Variants in PSG5 observed in about 807,000 individuals in gnomAD.
PSG5 encodes the protein pregnancy-specific beta-1-glycoprotein 5.
In PSG5, 53 loss-of-function variants were observed where a neutral mutation model predicts 37.7. The observed-to-expected ratio is 1.41, with a 90% CI of 1.13 to 1.77. The LOEUF (loss-of-function observed/expected upper bound fraction) is 1.77, where lower values mean the gene tolerates loss of function less well. PSG5 is among the 40% of genes most tolerant of loss of function. PSG5 has a pLI of 0.00. For missense variants in PSG5, 547 were observed against 405.2 expected (o/e 1.35, Z -3.00); for synonymous variants, 221 against 155.4 (o/e 1.42, Z -3.14).
intron 2 of PSG5, among the ~76,000 whole-genome samples, chr19:43,176,464 C>G (rs552518437): frequency 6.6e-6 from 1 of 151,682 alleles, no homozygotes; most frequent in African/African-American, 2.4e-5. Flanking sequence ...AGTTGACTGG[C>G]TGGCTCACCC....
At chr19:43,177,060 A>G (rs62115019) in intron 2 of PSG5, among the ~76,000 whole-genome samples, 10,517 of 151,658 alleles carry the variant, frequency 0.069, 573 homozygotes, top group South Asian at 0.16. Flanking sequence ...GACAAATTTG[A>G]AGAGAAGTTT....
In PSG5 at chr19:43,185,354, G is replaced by A. The variant is rs567837070; in HGVS notation, c.65-207C>T. On this transcript the variant is annotated intron_variant, in intron 1 of 5. Transcript: ENST00000342951. ...GTCCTACTAGGTCAAGGTCAGCAGC[G>A]TGACCCCTATTCCTTCAACACTTCT... Among the ~76,000 whole-genome samples, 168 of 150,926 alleles carry A rather than the reference G, an allele frequency of 1.1e-3. 1 individual carries two copies. The highest frequency in any genetic ancestry group is 1.6e-3 in the Non-Finnish European group (105 of 67,686).
intron 5 of PSG5, 59 bp from the exon 6 acceptor site, chr19:43,168,262 G>A (rs1968829047): frequency 2.6e-6 from 1 of 379,848 alleles, no homozygotes; most frequent in Non-Finnish European, 4.9e-6. Context: ...AATTTATTAT[G>A]GTAAAGACAC....
chr19:43,175,590 C>A, intron 3 of PSG5, 121 bp from the exon 4 acceptor site: 22 of 1,463,504 alleles, frequency 1.5e-5, no homozygotes, highest in Non-Finnish European at 2.0e-5. Context: ...CAGCCGAACC[C>A]CCACTATATT....
intron 4 of PSG5, among the ~76,000 whole-genome samples, chr19:43,171,952 G>T (rs1293914235): frequency 1.4e-5 from 2 of 146,986 alleles, no homozygotes; most frequent in African/African-American, 5.1e-5. Flanking sequence ...ATCCTGGACT[G>T]GTCTACATAG....
chr19:43,171,962 G>A (rs1968914625), intron 4 of PSG5, among the ~76,000 whole-genome samples: 1 of 139,954 alleles, frequency 7.1e-6, no homozygotes, highest in Non-Finnish European at 1.5e-5. Flanking sequence ...GGTCTACATA[G>A]TGAGAGCCCG....
At position 43,181,101 on chromosome 19, in the gene PSG5, C is replaced by A. The variant is rs1482631655; in HGVS notation, c.430+3681G>T. Among the ~76,000 whole-genome samples the A allele has an allele frequency of 2.0e-5, 3 of 151,626 alleles. No individual in the cohort carries two copies. The East Asian group carries it at 5.8e-4, about 29-fold the overall frequency. On this transcript the variant is annotated intron_variant, in intron 2 of 5. Transcript: ENST00000342951. ...GTGTGTCTCCCCACACGTAGAACTC[C>A]AACTTATGAAAATGGCATCATCATG... is the stretch of plus-strand genomic sequence containing the variant.
chr19:43,176,107 G>C lies in PSG5; in HGVS notation c.472C>G (p.Pro158Ala). 6.2e-7 allele frequency: 1 copy of C among 1,611,182 alleles called. No homozygotes were observed. ...KPYITINNSK[P>A]RENKDVLAFT... Reference sequence around the variant, plus strand: ...GCTAAGACATCCTTATTCTCCCTGGGTTTTGAGTTGTTGATGGTGATGTAG... The same window carrying C: ...GCTAAGACATCCTTATTCTCCCTGGCTTTTGAGTTGTTGATGGTGATGTAG... Residue 158 changes from proline (P) to alanine (A), a missense_variant, in exon 3 of 6, where the codon CCC becomes GCC. Pro to Ala is a conservative substitution (Grantham distance 27). Coordinates refer to ENST00000342951, the MANE Select transcript of PSG5 (RefSeq NM_002781.4).
At chr19:43,177,712 C>A (rs1599749845) in intron 2 of PSG5, among the ~76,000 whole-genome samples, 1 of 151,488 alleles carries the variant, frequency 6.6e-6, no homozygotes, top group Non-Finnish European at 1.5e-5. Context: ...TTAATAAGAG[C>A]CTGTCAGGTC....
At chr19:43,183,649 C>T (rs1053566543) in intron 2 of PSG5, among the ~76,000 whole-genome samples, 21 of 151,356 alleles carry the variant, frequency 1.4e-4, no homozygotes, top group Non-Finnish European at 2.1e-4. Flanking sequence ...TTCTGGAGTG[C>T]AGACTAATCA....
chr19:43,178,196 A>C (rs1319880240), intron 2 of PSG5, among the ~76,000 whole-genome samples: 1 of 151,664 alleles, frequency 6.6e-6, no homozygotes, highest in Non-Finnish European at 1.5e-5. Flanking sequence ...ACTGGAAAAC[A>C]TATTGCCAAT....
chr19:43,170,488 G>A, intron 4 of PSG5: 1 of 452,724 alleles, frequency 2.2e-6, no homozygotes, highest in Non-Finnish European at 4.3e-6. Flanking sequence ...TGTTGTGGCA[G>A]CCATGAATGA....
At chr19:43,169,633 A>G (rs1391833229) in intron 5 of PSG5, among the ~76,000 whole-genome samples, 1 of 151,650 alleles carries the variant, frequency 6.6e-6, no homozygotes, top group Non-Finnish European at 1.5e-5. Context: ...TGATTAAGTG[A>G]ATTAACTAGA....
chr19:43,185,287 G>T (rs1376693402), intron 1 of PSG5, 140 bp from the exon 2 acceptor site: 3 of 1,224,062 alleles, frequency 2.5e-6, no homozygotes, highest in African/African-American at 3.1e-5. Flanking sequence ...CACACAAAAG[G>T]TGCATGTTAG....
intron 2 of PSG5, chr19:43,183,598 A>T (rs1362638533): frequency 1.0e-5 from 4 of 383,230 alleles, no homozygotes; most frequent in African/African-American, 2.2e-5. Context: ...GCCTGGACAT[A>T]TTTTTTGCAC....
At chr19:43,179,299 C>G (rs1390317551) in intron 2 of PSG5, 3 of 1,228,208 alleles carry the variant, frequency 2.4e-6, no homozygotes, top group African/African-American at 3.1e-5. Context: ...TGTTACAAGA[C>G]AGATGCATGG....
intron 5 of PSG5, 47 bp downstream of exon 5, chr19:43,170,008 G>A: frequency 8.2e-7 from 1 of 1,215,990 alleles, no homozygotes; most frequent in Non-Finnish European, 1.2e-6. Flanking sequence ...TCCCAAGCAT[G>A]GCAGTCAGCC....
chr19:43,181,230 C>A (rs1388921721), intron 2 of PSG5, among the ~76,000 whole-genome samples: 1 of 151,646 alleles, frequency 6.6e-6, no homozygotes, highest in Non-Finnish European at 1.5e-5. Flanking sequence ...TTACGTGTAT[C>A]TGACAGCCTT....
intron 2 of PSG5, among the ~76,000 whole-genome samples, chr19:43,182,068 G>T (rs1969139894): frequency 6.6e-6 from 1 of 151,676 alleles, no homozygotes; most frequent in Admixed American, 6.6e-5. Flanking sequence ...TCTCTGGCTG[G>T]CTATCCTCAC....
Sources: gnomAD v4.1 joint callset for allele counts (sites outside exome capture counted in the v4.1 genomes callset) on GRCh38, gnomAD v4.1.1 for gene constraint, MANE v1.5 for transcripts, NCBI Gene and HGNC (gene_info 2026-07-23, HGNC 2026-07-21) for gene names.